EEF2K: variants seen among roughly 807,000 people sequenced by gnomAD.
EEF2K encodes the protein eukaryotic elongation factor 2 kinase.
A neutral mutation model predicts 93.8 loss-of-function variants in EEF2K; 70 were observed. The ratio of observed to expected loss-of-function variants is 0.75; its 90% CI spans 0.62 to 0.91. The LOEUF is 0.91. Among genes scored for constraint, EEF2K ranks in the 40% least tolerant of loss-of-function variants. The pLI is 0.00. For synonymous variants in EEF2K, 376 were observed against 380.8 expected (o/e 0.99, Z 0.15); for missense variants, 935 against 972.9 (o/e 0.96, Z 0.52).
chr16:22,257,841 C>G (rs1567280753), intron 9 of EEF2K, 71 bp downstream of exon 9: 1 of 1,575,740 alleles, frequency 6.3e-7, no homozygotes, highest in Non-Finnish European at 8.6e-7. Context: ...CCCTGCTCCC[C>G]TGTGTGGTGA....
chr16:22,223,593 A>G (rs755439469), intron 1 of EEF2K, among the ~76,000 whole-genome samples: 2 of 152,136 alleles, frequency 1.3e-5, no homozygotes, highest in Non-Finnish European at 2.9e-5. Flanking sequence ...TCCCAACACC[A>G]TTTGTTGAAA....
At chr16:22,239,428 AC>A (rs2047199474) in intron 2 of EEF2K, among the ~76,000 whole-genome samples, 1 of 152,276 alleles carries the variant, frequency 6.6e-6, no homozygotes, top group South Asian at 2.1e-4. Flanking sequence ...TGAATTCTCA[AC>A]CCTGCAGGCT....
intron 1 of EEF2K, among the ~76,000 whole-genome samples, chr16:22,219,303 T>C (rs1469511033): frequency 6.6e-6 from 1 of 152,170 alleles, no homozygotes; most frequent in Non-Finnish European, 1.5e-5. Context: ...TTTTCCCAGG[T>C]TGACCCTGCC....
At chr16:22,247,036 TCAAAAAAAAA>T (rs1168286344) in intron 3 of EEF2K, among the ~76,000 whole-genome samples, 1 of 18,280 alleles carries the variant, frequency 5.5e-5, no homozygotes, top group African/African-American at 2.1e-4. Context: ...AGACTCCATC[TCAAAAAAAAA>T]AAAAAAAAAA....
chr16:22,244,856 T>C (rs2047271024), intron 3 of EEF2K, 126 bp downstream of exon 3: 4 of 952,490 alleles, frequency 4.2e-6, no homozygotes, highest in Non-Finnish European at 6.4e-6. Context: ...GCAGCTAATA[T>C]TGGCATGCTA....
In EEF2K at chr16:22,261,401, A is replaced by G. The variant is rs148278637; in HGVS notation, c.1299+872A>G. Among the ~76,000 whole-genome samples, 117 of 152,002 alleles carry G rather than the reference A, an allele frequency of 7.7e-4. 1 individual carries two copies. In the East Asian group the frequency reaches 0.021, roughly 27 times the overall value. On this transcript the variant is annotated intron_variant, in intron 11 of 17. Transcript: ENST00000263026. ...AAAAAAGAAAAAACAAATACCTTTT[A>G]GTAGAGGCTGGGCGCAGTGGCTCAC...
chr16:22,215,974 C>T (rs1379286862), intron 1 of EEF2K, among the ~76,000 whole-genome samples: 1 of 152,102 alleles, frequency 6.6e-6, no homozygotes, highest in Admixed American at 6.6e-5. Flanking sequence ...ATGTTGAGCA[C>T]CTGTGCACTG....
intron 1 of EEF2K, among the ~76,000 whole-genome samples, chr16:22,220,438 G>A (rs550317417): frequency 2.3e-4 from 31 of 135,494 alleles, no homozygotes; most frequent in Admixed American, 1.9e-3. Context: ...CTGAATCTGA[G>A]CGTGCTTTTT....
chr16:22,242,690 A>C lies in EEF2K; in HGVS notation c.247-1940A>C, dbSNP rs139610450. ...GGGGTGGTGGGCACTGCTGGCATAGAGTTAGGGAAGGCCGGGAATGCCAGC... is the reference window on the plus strand; with the variant it reads ...GGGGTGGTGGGCACTGCTGGCATAGCGTTAGGGAAGGCCGGGAATGCCAGC... On this transcript the variant is annotated intron_variant, in intron 2 of 17. Coordinates refer to ENST00000263026, the MANE Select transcript of EEF2K (RefSeq NM_013302.5). 3.8e-4 allele frequency among the ~76,000 whole-genome samples: 58 copies of C among 152,080 alleles called. No individual in the cohort carries two copies. In the East Asian group the frequency reaches 7.0e-3, roughly 18 times the overall value.
intron 2 of EEF2K, among the ~76,000 whole-genome samples, chr16:22,232,168 A>G (rs1019644621): frequency 1.3e-5 from 2 of 151,854 alleles, no homozygotes; most frequent in African/African-American, 4.8e-5. Context: ...ATTTCTTTCA[A>G]CTGATGTCCT....
chr16:22,233,001 C>T (rs2047130931), intron 2 of EEF2K, among the ~76,000 whole-genome samples: 1 of 152,182 alleles, frequency 6.6e-6, no homozygotes, highest in Non-Finnish European at 1.5e-5. Flanking sequence ...AGGTCAGATT[C>T]TATCGCTGTC....
chr16:22,231,036 G>A (rs545344574), intron 2 of EEF2K, among the ~76,000 whole-genome samples: 1 of 152,122 alleles, frequency 6.6e-6, no homozygotes, highest in East Asian at 1.9e-4. Context: ...AAAAATGTTA[G>A]CATTTTTATA....
chr16:22,284,623 T>G lies in EEF2K; in HGVS notation c.*627T>G, dbSNP rs2047735260. 1 of 151,026 alleles carries G rather than the reference T, an allele frequency of 6.6e-6. No homozygotes were observed. The allele number at this position is 151,026 out of a possible 1,614,324, so 9.4% of individuals were successfully genotyped here. On this transcript the variant is annotated 3_prime_UTR_variant, in exon 18 of 18. Coordinates refer to ENST00000263026, the MANE Select transcript of EEF2K (RefSeq NM_013302.5). ...TCATTTTTATTTCTTTTTTTTTTTT[T>G]GTCACGAGATATAAGAAAGTGCTTT... is the stretch of plus-strand genomic sequence containing the variant.
intron 16 of EEF2K, among the ~76,000 whole-genome samples, chr16:22,275,903 A>C (rs559723729): frequency 6.6e-6 from 1 of 151,956 alleles, no homozygotes; most frequent in African/African-American, 2.4e-5. Flanking sequence ...CAGCCTCCCA[A>C]AGTGCTGGGA....
chr16:22,252,646 G>A (rs950868685), intron 6 of EEF2K, among the ~76,000 whole-genome samples: 11 of 152,112 alleles, frequency 7.2e-5, no homozygotes, highest in African/African-American at 2.2e-4. Flanking sequence ...AAGAAAAAGC[G>A]GAAGAAAGAG....
In EEF2K at chr16:22,234,877, C is replaced by CTTTTTT. The variant is rs1173052779; in HGVS notation, c.246+8919_246+8924dup. ...TTGCTAAGCATAATGTTTTTTGTTGCTTTTTTTTTTTTTTTTTTTTTTAGG... is the reference window on the plus strand; with the variant it reads ...TTGCTAAGCATAATGTTTTTTGTTGCTTTTTTTTTTTTTTTTTTTTTTTTTTTTAGG... On this transcript the variant is annotated intron_variant, in intron 2 of 17. Coordinates refer to ENST00000263026, the MANE Select transcript of EEF2K (RefSeq NM_013302.5). 2.4e-3 allele frequency among the ~76,000 whole-genome samples: 217 copies of CTTTTTT among 90,618 alleles called. 3 individuals are homozygous for CTTTTTT. Among genetic ancestry groups the CTTTTTT allele is most frequent in the South Asian group, 0.013 (30 of 2,316 alleles). 59.4% of individuals were successfully genotyped at this position (90,618 alleles called of 152,430 possible). A position where few individuals can be genotyped will look rare whatever the true frequency, so the allele number is the denominator to read the frequency against.
chr16:22,237,093 CGT>C (rs1449864972), intron 2 of EEF2K, among the ~76,000 whole-genome samples: 36 of 151,472 alleles, frequency 2.4e-4, no homozygotes, highest in African/African-American at 8.7e-4. Context: ...CACAGGCACA[CGT>C]CACCACGCCC....
chr16:22,259,210 G>T (rs1278724051), intron 10 of EEF2K, among the ~76,000 whole-genome samples: 1 of 152,166 alleles, frequency 6.6e-6, no homozygotes, highest in Admixed American at 6.5e-5. Flanking sequence ...AGTGGAGTTT[G>T]CTGATGATTC....
intron 6 of EEF2K, among the ~76,000 whole-genome samples, chr16:22,253,462 C>T (rs1187336912): frequency 1.3e-5 from 2 of 152,126 alleles, no homozygotes; most frequent in Non-Finnish European, 1.5e-5. Context: ...CTTTCTCTTC[C>T]TCCACAAGCT....
Sources: gnomAD v4.1 joint callset for allele counts (sites outside exome capture counted in the v4.1 genomes callset) on GRCh38, gnomAD v4.1.1 for gene constraint, MANE v1.5 for transcripts, NCBI Gene and HGNC (gene_info 2026-07-23, HGNC 2026-07-21) for gene names.